The following GLMN variants were observed in gnomAD, a reference collection of about 807,000 sequenced individuals.
GLMN encodes the protein glomulin, FKBP associated protein.
A neutral mutation model predicts 87.8 loss-of-function variants in GLMN; 75 were observed. The observed-to-expected ratio is 0.85, with a 90% CI of 0.71 to 1.04. GLMN has a LOEUF of 1.04. Ranked by LOEUF, GLMN falls within the 50% of genes least tolerant of loss-of-function variation. The probability of loss-of-function intolerance (pLI) is 0.00; values close to 1 mark genes in which losing one functional copy is unlikely to be tolerated. For missense variants in GLMN, 588 were observed against 658.8 expected (o/e 0.89, Z 1.18); for synonymous variants, 206 against 221.6 (o/e 0.93, Z 0.63).
chr1:92,318,538 T>C, the GLMN span, among the ~76,000 whole-genome samples: 3 of 152,148 alleles, frequency 2.0e-5, no homozygotes, highest in African/African-American at 7.2e-5. Context: ...CTCTCAAACT[T>C]TGAATCGACC....
intron 7 of GLMN, among the ~76,000 whole-genome samples, chr1:92,280,670 G>A (rs149531017): frequency 0.091 from 13,879 of 152,046 alleles, 849 homozygotes; most frequent in Non-Finnish European, 0.13. Flanking sequence ...AAACTTCTCC[G>A]AGCTAAAGGA....
chr1:92,363,685 A>G, the GLMN span: 1 of 298,146 alleles, frequency 3.4e-6, no homozygotes, highest in Non-Finnish European at 6.6e-6. Flanking sequence ...GACCAACCCC[A>G]CTTCTCTTTC....
chr1:92,339,150 C>G, the GLMN span, among the ~76,000 whole-genome samples: 2 of 151,942 alleles, frequency 1.3e-5, no homozygotes, highest in African/African-American at 4.8e-5. Flanking sequence ...TTTGATGTCT[C>G]TTTTTTAAAA....
At chr1:92,300,420 C>T (rs531498486), upstream of GLMN, among the ~76,000 whole-genome samples, 1 of 152,148 alleles carries the variant, frequency 6.6e-6, no homozygotes, top group South Asian at 2.1e-4. Context: ...CTACTCCAGG[C>T]TTTAAGAAAA....
At chr1:92,357,333 T>C in the GLMN span, among the ~76,000 whole-genome samples, 1 of 152,156 alleles carries the variant, frequency 6.6e-6, no homozygotes, top group Non-Finnish European at 1.5e-5. Context: ...TTGGGATTCA[T>C]AGAAGTAAAA....
the GLMN span, among the ~76,000 whole-genome samples, chr1:92,313,986 A>C: frequency 3.9e-5 from 6 of 152,182 alleles, no homozygotes; most frequent in African/African-American, 1.4e-4. Context: ...AGAATTGAGG[A>C]GAGTTAGAAC....
At chr1:92,262,418 A>G (rs1557522708) in intron 16 of GLMN, among the ~76,000 whole-genome samples, 1 of 151,864 alleles carries the variant, frequency 6.6e-6, no homozygotes, top group Non-Finnish European at 1.5e-5. Flanking sequence ...CTTCCTAAAC[A>G]TATCTAAAAG....
upstream of GLMN, among the ~76,000 whole-genome samples, chr1:92,302,590 A>ATTTTTTTTTTTTTTTTTTT (rs36067595): frequency 1.3e-5 from 1 of 74,316 alleles, no homozygotes; most frequent in Non-Finnish European, 2.3e-5. Context: ...TCCGCATTAA[A>ATTTTTTTTTTTTTTTTTTT]TTTTTTTTTT....
At chr1:92,263,567 A>C (rs1199102372) in intron 15 of GLMN, 56 bp downstream of exon 15, 2 of 822,088 alleles carry the variant, frequency 2.4e-6, no homozygotes, top group Admixed American at 3.4e-5. Context: ...CCCTAAGCAG[A>C]TGTTTCACAT....
intron 16 of GLMN, among the ~76,000 whole-genome samples, chr1:92,251,602 T>A (rs1020409884): frequency 6.6e-6 from 1 of 152,074 alleles, no homozygotes; most frequent in Admixed American, 6.5e-5. Context: ...TCCATAAATA[T>A]TAAAATTTCT....
At chr1:92,293,466 C>T (rs887126175) in intron 3 of GLMN, among the ~76,000 whole-genome samples, 12 of 152,028 alleles carry the variant, frequency 7.9e-5, no homozygotes, top group African/African-American at 1.7e-4. Flanking sequence ...CCACCACTCC[C>T]GGCTAATTTT....
At chr1:92,366,439 G>C in the GLMN span, among the ~76,000 whole-genome samples, 2 of 152,152 alleles carry the variant, frequency 1.3e-5, no homozygotes, top group African/African-American at 4.8e-5. Flanking sequence ...AGTTACCTAT[G>C]CATGTGGCCC....
chr1:92,251,717 C>CTAAG (rs746529446), intron 16 of GLMN, among the ~76,000 whole-genome samples: 4 of 151,684 alleles, frequency 2.6e-5, no homozygotes, highest in Non-Finnish European at 5.9e-5. Flanking sequence ...TGTAGAAGTT[C>CTAAG]TAAGTTGAAA....
upstream of GLMN, chr1:92,301,670 T>C: frequency 1.9e-6 from 1 of 535,464 alleles, no homozygotes; most frequent in South Asian, 4.0e-5. Flanking sequence ...CTTTGCATTA[T>C]TAGAATCTTT....
chr1:92,249,830 G>A (rs1376608427), intron 16 of GLMN, among the ~76,000 whole-genome samples: 2 of 151,922 alleles, frequency 1.3e-5, no homozygotes, highest in African/African-American at 2.4e-5. Flanking sequence ...CTGTATCCAC[G>A]AGATCAAGTT....
At chr1:92,299,354 A>G (rs1464571036), upstream of GLMN, among the ~76,000 whole-genome samples, 1 of 152,126 alleles carries the variant, frequency 6.6e-6, no homozygotes, top group East Asian at 1.9e-4. Context: ...CAGTGTTCCA[A>G]GATTTCCCTC....
intron 13 of GLMN, among the ~76,000 whole-genome samples, chr1:92,264,842 T>C (rs558749047): frequency 7.7e-4 from 117 of 152,280 alleles, no homozygotes; most frequent in African/African-American, 2.7e-3. Context: ...AATTCTTATT[T>C]ATTTTATTTT....
the GLMN span, among the ~76,000 whole-genome samples, chr1:92,341,308 C>T: frequency 2.0e-5 from 3 of 152,060 alleles, no homozygotes; most frequent in Non-Finnish European, 4.4e-5. Context: ...CATACCTGGC[C>T]TGAAAAATCT....
At chr1:92,316,185 G>GCTAA in the GLMN span, among the ~76,000 whole-genome samples, 1 of 152,142 alleles carries the variant, frequency 6.6e-6, no homozygotes, top group East Asian at 1.9e-4. Context: ...TGCTGACAGA[G>GCTAA]CTAAAAGCGC....
Sources: gnomAD v4.1 joint callset for allele counts (sites outside exome capture counted in the v4.1 genomes callset) on GRCh38, gnomAD v4.1.1 for gene constraint, MANE v1.5 for transcripts, NCBI Gene and HGNC (gene_info 2026-07-23, HGNC 2026-07-21) for gene names.